The following TCP11L1 variants were observed in gnomAD, a reference collection of about 807,000 sequenced individuals.
TCP11L1 encodes T-complex protein 11-like protein 1.
Under a neutral mutation model 48.9 loss-of-function variants are expected in TCP11L1, and 28 were observed. The observed-to-expected ratio is 0.57, with a 90% CI of 0.42 to 0.78. TCP11L1 has a LOEUF of 0.78. Ranked by LOEUF, TCP11L1 falls within the 30% of genes least tolerant of loss-of-function variation. TCP11L1 has a pLI of 0.00. For synonymous variants in TCP11L1, 204 were observed against 231.9 expected (o/e 0.88, Z 1.09); for missense variants, 505 against 613.4 (o/e 0.82, Z 1.87).
chr11:33,056,989 C>T, intron 3 of TCP11L1, 126 bp from the exon 4 acceptor site: 1 of 1,359,178 alleles, frequency 7.4e-7, no homozygotes, highest in Non-Finnish European at 1.0e-6. Context: ...CCTGGGAAAT[C>T]TTTCCTTGGT....
intron 9 of TCP11L1, among the ~76,000 whole-genome samples, chr11:33,071,032 G>T (rs1208557359): frequency 6.6e-6 from 1 of 151,556 alleles, no homozygotes; most frequent in Non-Finnish European, 1.5e-5. Context: ...AAGGGTGATA[G>T]GGCTGGGTGC....
chr11:33,049,597 G>A (rs1001840301), intron 2 of TCP11L1, among the ~76,000 whole-genome samples: 1 of 152,124 alleles, frequency 6.6e-6, no homozygotes, highest in Non-Finnish European at 1.5e-5. Flanking sequence ...AGGTCTCTGT[G>A]TCATAAATAA....
At chr11:33,068,555 A>G (rs998602084) in intron 8 of TCP11L1, 132 bp from the exon 9 acceptor site, 6 of 1,133,966 alleles carry the variant, frequency 5.3e-6, no homozygotes, top group Admixed American at 2.1e-5. Flanking sequence ...TGGCAGGGAA[A>G]AGAGTCTCAA....
intron 2 of TCP11L1, among the ~76,000 whole-genome samples, chr11:33,049,418 GAC>G (rs1443835757): frequency 6.6e-6 from 1 of 152,134 alleles, no homozygotes; most frequent in Admixed American, 6.5e-5. Flanking sequence ...AAAGAAATAA[GAC>G]ACAGAGACAA....
chr11:33,065,723 A>G, intron 7 of TCP11L1, 107 bp from the exon 8 acceptor site: 1 of 1,284,918 alleles, frequency 7.8e-7, no homozygotes, highest in Non-Finnish European at 1.1e-6. Context: ...CACTAGCGCA[A>G]ACCCTGAGGG....
At chr11:33,054,445 T>G in intron 2 of TCP11L1, 148 bp from the exon 3 acceptor site, 1 of 865,416 alleles carries the variant, frequency 1.2e-6, no homozygotes, top group Non-Finnish European at 1.8e-6. Flanking sequence ...TGAAGTAACA[T>G]TCTGTTGCTG....
In TCP11L1 at chr11:33,041,757, A is replaced by C. The variant is rs567111141; in HGVS notation, c.-25+1965A>C. Among the ~76,000 whole-genome samples, 871 of 146,768 alleles carry C rather than the reference A, an allele frequency of 5.9e-3. 6 individuals carry two copies. Among genetic ancestry groups the C allele is most frequent in the South Asian group, 0.013 (59 of 4,674 alleles). ...GGGAACAGTGCAAGAGTCTGTCCCC[A>C]AAAAAAAAACAAAAAAACAGGCCTG... On this transcript the variant is annotated intron_variant, in intron 1 of 9. Coordinates refer to ENST00000334274, the MANE Select transcript of TCP11L1 (RefSeq NM_018393.4).
intron 8 of TCP11L1, among the ~76,000 whole-genome samples, chr11:33,066,225 G>A (rs1463224670): frequency 6.6e-6 from 1 of 152,242 alleles, no homozygotes; most frequent in Non-Finnish European, 1.5e-5. Context: ...TGCAGGGTTA[G>A]CAGAGCTCTA....
At chr11:33,065,289 G>A (rs988324790) in intron 7 of TCP11L1, among the ~76,000 whole-genome samples, 1 of 151,904 alleles carries the variant, frequency 6.6e-6, no homozygotes, top group African/African-American at 2.4e-5. Context: ...TTGAGAAGGA[G>A]TTTCACTCTT....
At chr11:33,062,937 G>C (rs1460342317) in intron 7 of TCP11L1, among the ~76,000 whole-genome samples, 1 of 152,220 alleles carries the variant, frequency 6.6e-6, no homozygotes, top group Non-Finnish European at 1.5e-5. Context: ...ACAGCTCACT[G>C]TAACTTTGAA....
Position 33,068,830 on chromosome 11 carries a change from G to T in TCP11L1, c.1298G>T (p.Ser433Ile), listed in dbSNP as rs745362450. The part of the protein sequence containing the change: ...VLKGQIQAVA[S>I]PDDPIRRIME... ...AAGGGCCAGATCCAGGCCGTGGCCA[G>T]TCCCGATGACCCCATTCGCAGGATC... is the stretch of plus-strand genomic sequence containing the variant. Residue 433 changes from serine (S) to isoleucine (I), a missense_variant, in exon 9 of 10, where the codon AGT (serine) becomes ATT (isoleucine). Transcript: ENST00000334274. 9.3e-6 allele frequency: 15 copies of T among 1,613,916 alleles called. 1 individual carries two copies. In the South Asian group the frequency reaches 1.6e-4, roughly 18 times the overall value.
intron 2 of TCP11L1, among the ~76,000 whole-genome samples, chr11:33,054,353 T>C (rs2133713033): frequency 6.6e-6 from 1 of 152,294 alleles, no homozygotes; most frequent in South Asian, 2.1e-4. Flanking sequence ...TATTTTCCTT[T>C]GACCAGTCTT....
chr11:33,059,077 A>C lies in TCP11L1; in HGVS notation c.757A>C (p.Ile253Leu), dbSNP rs1009811900. The change falls in exon 6 of 10, where the codon ATT (isoleucine) becomes CTT (leucine). Residue 253 changes from isoleucine (I) to leucine (L), a missense_variant. Ile to Leu is a conservative substitution (Grantham distance 5, BLOSUM62 2). Transcript: ENST00000334274. ...VEYERKKFQE[I>L]LERQPNSLDF... ...ATACGAAAGGAAGAAGTTTCAAGAG[A>C]TTTTGGAGAGGCAACCAAGTATGTT... The C allele has an allele frequency of 6.2e-7, 1 of 1,613,852 alleles. No homozygotes were observed. The highest frequency in any genetic ancestry group is 1.7e-5 in the Admixed American group (1 of 59,960).
chr11:33,048,747 T>A (rs1015683710), intron 2 of TCP11L1, among the ~76,000 whole-genome samples: 2 of 152,162 alleles, frequency 1.3e-5, no homozygotes, highest in African/African-American at 4.8e-5. Context: ...TTCGGAGGAT[T>A]CTTATATTTC....
At chr11:33,049,915 C>G (rs1279757664) in intron 2 of TCP11L1, among the ~76,000 whole-genome samples, 1 of 152,186 alleles carries the variant, frequency 6.6e-6, no homozygotes, top group Non-Finnish European at 1.5e-5. Flanking sequence ...GAGGCCATAT[C>G]TCAGGCTATT....
intron 3 of TCP11L1, 137 bp downstream of exon 3, chr11:33,054,862 C>G: frequency 9.0e-7 from 1 of 1,110,486 alleles, no homozygotes; most frequent in Non-Finnish European, 1.2e-6. Flanking sequence ...TATTCCTGAA[C>G]AAGGAACAAC....
intron 2 of TCP11L1, among the ~76,000 whole-genome samples, chr11:33,052,489 T>G (rs1590226654): frequency 6.6e-6 from 1 of 152,136 alleles, no homozygotes. Flanking sequence ...TTTCTTTTTT[T>G]TGGTGCGCAA....
intron 2 of TCP11L1, among the ~76,000 whole-genome samples, chr11:33,046,482 C>G (rs981749992): frequency 2.7e-5 from 4 of 150,872 alleles, no homozygotes; most frequent in Admixed American, 2.0e-4. Flanking sequence ...TTTAGGGGAT[C>G]TAGTAATAAC....
chr11:33,061,446 C>G, intron 6 of TCP11L1, 84 bp from the exon 7 acceptor site: 1 of 1,313,718 alleles, frequency 7.6e-7, no homozygotes, highest in East Asian at 2.5e-5. Context: ...ATCACTCCAC[C>G]AGGACATCGA....
Sources: gnomAD v4.1 joint callset for allele counts (sites outside exome capture counted in the v4.1 genomes callset) on GRCh38, gnomAD v4.1.1 for gene constraint, MANE v1.5 for transcripts, NCBI Gene and HGNC (gene_info 2026-07-23, HGNC 2026-07-21) for gene names.